TASL: variants seen among roughly 807,000 people sequenced by gnomAD.
TASL encodes TLR adaptor interacting with endolysosomal SLC15A4.
TASL carries 6 observed loss-of-function variants against 12.9 expected under a neutral mutation model. The observed-to-expected ratio is 0.46, with a 90% CI of 0.25 to 0.92. TASL has a LOEUF of 0.92. Among genes scored for constraint, TASL ranks in the 40% least tolerant of loss-of-function variants. The pLI is 0.17. For missense variants in TASL, 165 were observed against 212.8 expected (o/e 0.78, Z 1.40); for synonymous variants, 85 against 79.3 (o/e 1.07, Z -0.38).
intron 2 of TASL, among the ~76,000 whole-genome samples, chrX:30,567,226 T>C (rs1398510407): frequency 3.8e-5 from 4 of 105,162 alleles, no homozygotes; most frequent in African/African-American, 1.4e-4. Context: ...CAGTGAGCTG[T>C]GATTGTGCCA....
At chrX:30,562,941 CA>C (rs369384420) in intron 2 of TASL, among the ~76,000 whole-genome samples, 242 of 95,777 alleles carry the variant, frequency 2.5e-3, no homozygotes, top group Middle Eastern at 5.3e-3. Flanking sequence ...AATACACACA[CA>C]AAAAAAAAAC....
rs1231541295 is a variant in TASL at position 30,559,690 on chromosome X, A to G, written c.666T>C (p.Tyr222=). The G allele has an allele frequency of 2.5e-6, 3 of 1,208,285 alleles. No homozygotes were observed. Among genetic ancestry groups the G allele is most frequent in the Non-Finnish European group, 2.2e-6 (2 of 893,735 alleles). The part of the protein sequence containing the change: ...EYLEQKVVEL[Y]KQYIMDTVFH... ...ACACGGTGTCCATAATGTACTGTTT[A>G]TATAACTCCACAACCTTCTGCTCCA... Residue 222 remains tyrosine, a synonymous_variant, in exon 3 of 3, where the codon TAT becomes TAC. Coordinates refer to ENST00000378962, the MANE Select transcript of TASL (RefSeq NM_025159.3).
At chrX:30,563,389 G>A (rs1930455527) in intron 2 of TASL, among the ~76,000 whole-genome samples, 1 of 112,234 alleles carries the variant, frequency 8.9e-6, no homozygotes, top group Admixed American at 9.4e-5. Flanking sequence ...GTTCTTTATA[G>A]CAGCATGAGA....
intron 2 of TASL, among the ~76,000 whole-genome samples, chrX:30,565,553 T>C (rs1021370404): frequency 9.0e-6 from 1 of 111,535 alleles, no homozygotes; most frequent in African/African-American, 3.3e-5. Context: ...GAATGATCTA[T>C]ATCTGTGTTG....
At chrX:30,564,415 AGTGAAAATCGATC>A (rs1352637931) in intron 2 of TASL, among the ~76,000 whole-genome samples, 1,728 of 111,293 alleles carry the variant, frequency 0.016, 19 homozygotes, top group Non-Finnish European at 0.025. Flanking sequence ...CAAAATAGTG[AGTGAAAATCGATC>A]TATACCTCCT....
chrX:30,560,172 C>T lies in TASL; in HGVS notation c.184G>A (p.Gly62Ser). The T allele has an allele frequency of 1.7e-6, 2 of 1,210,770 alleles. No individual in the cohort carries two copies. Among genetic ancestry groups the T allele is most frequent in the Non-Finnish European group, 1.1e-6 (1 of 895,053 alleles). The change falls in exon 3 of 3, where the codon GGC becomes AGC. Residue 62 changes from glycine (G) to serine (S), a missense_variant. Transcript: ENST00000378962. ...RSLYVSCKSS[G>S]KFISSVHSRE... is the part of the protein sequence containing the mutation. The stretch of plus-strand genomic sequence containing the variant: ...GAATGCACTGAAGAGATAAACTTGC[C>T]AGATGATTTGCAGCTCACGTAGAGA...
At chrX:30,570,403 T>C (rs1449428960) in intron 2 of TASL, among the ~76,000 whole-genome samples, 1 of 111,316 alleles carries the variant, frequency 9.0e-6, no homozygotes, top group Non-Finnish European at 1.9e-5. Flanking sequence ...ACCCAGATAA[T>C]ATTCTAAGTG....
chrX:30,561,808 C>T (rs1930429965), intron 2 of TASL, among the ~76,000 whole-genome samples: 1 of 104,807 alleles, frequency 9.5e-6, no homozygotes, highest in Non-Finnish European at 1.9e-5. Flanking sequence ...AGCTAAAGGT[C>T]TTCAACAAAT....
chrX:30,571,290 G>GAAAGAA (rs1569306172), intron 2 of TASL, among the ~76,000 whole-genome samples: 4 of 43,131 alleles, frequency 9.3e-5, no homozygotes, highest in African/African-American at 1.7e-4. Context: ...AAGAAAGAAA[G>GAAAGAA]AAAGAAAGAA....
At chrX:30,571,638 G>C (rs1053228652) in intron 2 of TASL, among the ~76,000 whole-genome samples, 6 of 33,903 alleles carry the variant, frequency 1.8e-4, no homozygotes, top group Middle Eastern at 0.011. Flanking sequence ...AAAAAAAAGG[G>C]GGGGGGGGCA....
chrX:30,573,889 G>T (rs981000772), intron 2 of TASL, among the ~76,000 whole-genome samples: 12 of 111,485 alleles, frequency 1.1e-4, no homozygotes, highest in African/African-American at 3.6e-4. Flanking sequence ...CTGCACTCTA[G>T]CCTGGGTGAC....
rs776289739 is a variant in TASL, at chrX:30,576,884, T to TA, written c.-116-19dup. ...ACACTGACCTATGCAAGAAATGTTA[T>TA]AAAATATCAATATAAATATTCTGTC... On this transcript the variant is annotated intron_variant, in intron 1 of 2. Transcript: ENST00000378962. The TA allele has an allele frequency of 8.9e-6, 1 of 112,361 alleles. No homozygotes were observed. The highest frequency in any genetic ancestry group is 9.5e-5 in the Admixed American group (1 of 10,570). The allele number at this position is 112,361 out of a possible 1,213,427, so 9.3% of individuals were successfully genotyped here.
rs948796403 is a variant in TASL at position 30,566,214 on chromosome X, T to C, written c.-1-5858A>G. ...ATGTCAGAAAGGAGCTAACAAAAGA[T>C]AGTAAAGCCAGGCCAGGCGTGGTGG... On this transcript the variant is annotated intron_variant, in intron 2 of 2. Coordinates refer to ENST00000378962, the MANE Select transcript of TASL (RefSeq NM_025159.3). 3.6e-5 allele frequency among the ~76,000 whole-genome samples: 4 copies of C among 111,329 alleles called. No individual in the cohort carries two copies. In the South Asian group the frequency reaches 1.5e-3, roughly 42 times the overall value.
At chrX:30,577,565 T>C (rs2147089207) in intron 1 of TASL, 73 bp downstream of exon 1, 1 of 112,133 alleles carries the variant, frequency 8.9e-6, no homozygotes, top group South Asian at 3.7e-4. Flanking sequence ...GATAAAGGGC[T>C]AAGAAAGCGT....
chrX:30,570,292 C>T (rs770734299), intron 2 of TASL, among the ~76,000 whole-genome samples: 34 of 110,153 alleles, frequency 3.1e-4, no homozygotes, highest in Non-Finnish European at 4.7e-4. Flanking sequence ...AGAGCACGCA[C>T]TAGTATTTAA....
chrX:30,575,007 A>T (rs182271611), intron 2 of TASL, among the ~76,000 whole-genome samples: 2 of 111,278 alleles, frequency 1.8e-5, no homozygotes, highest in East Asian at 5.6e-4. Flanking sequence ...ATTTTTTTTT[A>T]ATTTTCCAAT....
chrX:30,566,154 G>A (rs928898749), intron 2 of TASL, among the ~76,000 whole-genome samples: 5 of 111,179 alleles, frequency 4.5e-5, no homozygotes, highest in African/African-American at 1.6e-4. Context: ...AGTAACATCT[G>A]AGTAATTAAT....
intron 2 of TASL, among the ~76,000 whole-genome samples, chrX:30,573,522 C>CT (rs767253630): frequency 1.8e-5 from 2 of 112,153 alleles, no homozygotes; most frequent in African/African-American, 6.5e-5. Flanking sequence ...AATTTATCCT[C>CT]TTTTTTTTAA....
intron 2 of TASL, among the ~76,000 whole-genome samples, chrX:30,562,954 A>G (rs757987269): frequency 9.1e-6 from 1 of 109,843 alleles, no homozygotes; most frequent in African/African-American, 3.3e-5. Flanking sequence ...AAAAAAAACA[A>G]CAGGAGAAGA....
Sources: allele counts gnomAD v4.1 joint callset (sites outside exome capture counted in the v4.1 genomes callset), GRCh38; gene constraint gnomAD v4.1.1; transcripts MANE v1.5; gene names NCBI Gene and HGNC (gene_info 2026-07-23, HGNC 2026-07-21).